The following ACE variants were observed in gnomAD, a reference collection of about 807,000 sequenced individuals.
ACE encodes the protein angiotensin I converting enzyme, also known as angiotensin-converting enzyme.
Under a neutral mutation model 162.3 loss-of-function variants are expected in ACE, and 122 were observed. The observed-to-expected ratio is 0.75, with a 90% confidence interval of 0.65 to 0.87. ACE has a LOEUF of 0.87. Ranked by LOEUF, ACE falls within the 40% of genes least tolerant of loss-of-function variation. ACE has a pLI of 0.00. For missense variants in ACE, 1,799 were observed against 1,735.1 expected (o/e 1.04, Z -0.65); for synonymous variants, 796 against 720.6 (o/e 1.10, Z -1.68).
Position 63,493,572 on chromosome 17 carries a change from G to T in ACE, c.3049G>T (p.Ala1017Ser). ...GGGTGCCAACCCCGGCTTCCATGAG[G>T]CCATTGGGGACGTGCTAGCCCTCTC... is the stretch of plus-strand genomic sequence containing the variant. ...REGANPGFHE[A>S]IGDVLALSVS... Residue 1017 changes from alanine (A) to serine (S), a missense_variant, in exon 20 of 25, where the codon GCC becomes TCC. Ala to Ser is a moderately conservative substitution (Grantham distance 99). Transcript: ENST00000290866. 2.5e-6 allele frequency: 4 copies of T among 1,614,238 alleles called. No individual in the cohort carries two copies. The highest frequency in any genetic ancestry group is 3.4e-6 in the Non-Finnish European group (4 of 1,180,040).
At chr17:63,486,522 C>A in intron 13 of ACE, 35 bp from the exon 14 acceptor site, 1 of 1,612,744 alleles carries the variant, frequency 6.2e-7, no homozygotes, top group Non-Finnish European at 8.5e-7. Flanking sequence ...TCTGGAGCTC[C>A]TGGGCCCTGT....
intron 2 of ACE, chr17:63,478,375 G>T (rs925532236): frequency 6.2e-6 from 3 of 481,316 alleles, no homozygotes; most frequent in African/African-American, 5.9e-5. Context: ...CTTTGGAAGA[G>T]TTGAGAAGGG....
In ACE at chr17:63,485,579, C is replaced by A. The variant is rs1599145019; in HGVS notation, c.2058+207C>A. On this transcript the variant is annotated intron_variant, in intron 13 of 24. Coordinates refer to ENST00000290866, the MANE Select transcript of ACE (RefSeq NM_000789.4). ...GCGGATCACGAGGTCAGATCAAGAC[C>A]ATCCTGGCTAACACGGTGAAACCCC... 9 of 642,440 alleles carry A rather than the reference C, an allele frequency of 1.4e-5. No homozygotes were observed. The East Asian group carries it at 2.7e-4, about 19-fold the overall frequency. The allele number at this position is 642,440 out of a possible 1,614,324, so 39.8% of individuals were successfully genotyped here. A position where few individuals can be genotyped will look rare whatever the true frequency, so the allele number is the denominator to read the frequency against.
chr17:63,480,641 G>A (rs1346699731), intron 5 of ACE, 113 bp downstream of exon 5: 5 of 1,153,038 alleles, frequency 4.3e-6, no homozygotes, highest in Non-Finnish European at 6.4e-6. Flanking sequence ...CATCTCACAT[G>A]TGTGGGGCAT....
intron 4 of ACE, 103 bp from the exon 5 acceptor site, chr17:63,480,234 G>T: frequency 7.8e-7 from 1 of 1,281,160 alleles, no homozygotes. Flanking sequence ...CCAGCTAGCT[G>T]CAGATCCACG....
rs2049627258 is a variant in ACE, at chr17:63,477,103, C to A, written c.9C>A (p.Ala3=). 7.6e-7 allele frequency: 1 copy of A among 1,312,802 alleles called. No individual in the cohort carries two copies. 81.3% of individuals were successfully genotyped at this position (1,312,802 alleles called of 1,614,324 possible). A position where few individuals can be genotyped will look rare whatever the true frequency, so the allele number is the denominator to read the frequency against. Residue 3 remains alanine (A), a synonymous_variant, in exon 1 of 25, where the codon GCC becomes GCA. Transcript: ENST00000290866. MG[A]ASGRRGPGLL... ...GCACCGCGCACCGCGTCATGGGGGC[C>A]GCCTCGGGCCGCCGGGGGCCGGGGC...
chr17:63,490,521 T>G, intron 17 of ACE: 1 of 249,772 alleles, frequency 4.0e-6, no homozygotes, highest in Non-Finnish European at 8.0e-6. Flanking sequence ...CCAGCCTGTT[T>G]CCTTTACTAG....
chr17:63,496,634 A>G, intron 23 of ACE, 118 bp downstream of exon 23: 5 of 1,595,960 alleles, frequency 3.1e-6, no homozygotes, highest in Middle Eastern at 2.1e-4. Context: ...GGGAACTCCC[A>G]CCTGCAGCGT....
intron 21 of ACE, 104 bp downstream of exon 21, chr17:63,494,170 G>T: frequency 1.4e-6 from 2 of 1,403,168 alleles, no homozygotes; most frequent in East Asian, 2.4e-5. Context: ...GTGTGTGTGT[G>T]TACACTATTG....
In ACE at chr17:63,481,579, C is replaced by T. The variant is rs139137100; in HGVS notation, c.959C>T (p.Thr320Met). ...STMLQQGWNA[T>M]HMFRVAEEFF... is the part of the protein sequence containing the mutation. ...CCCCTCCTCCAGGGCTGGAACGCCACGCACATGTTCCGGGTGGCAGAGGAG... is the reference window on the plus strand; with the variant it reads ...CCCCTCCTCCAGGGCTGGAACGCCATGCACATGTTCCGGGTGGCAGAGGAG... The change falls in exon 7 of 25, where the codon ACG becomes ATG. Residue 320 changes from threonine (T) to methionine (M), a missense_variant. Coordinates refer to ENST00000290866, the MANE Select transcript of ACE (RefSeq NM_000789.4). 11 of 1,613,796 alleles carry T rather than the reference C, an allele frequency of 6.8e-6. No homozygotes were observed. The highest frequency in any genetic ancestry group is 9.3e-6 in the Non-Finnish European group (11 of 1,180,026).
intron 3 of ACE, 64 bp from the exon 4 acceptor site, chr17:63,479,705 G>A (rs2049674942): frequency 1.9e-6 from 3 of 1,603,098 alleles, no homozygotes; most frequent in Non-Finnish European, 2.6e-6. Flanking sequence ...GCAGGCTCTG[G>A]TGAAGGCCGT....
intron 15 of ACE, 40 bp from the exon 16 acceptor site, chr17:63,488,608 A>C: frequency 6.2e-7 from 1 of 1,607,142 alleles, no homozygotes; most frequent in Non-Finnish European, 8.5e-7. Context: ...AGCAGAGGTG[A>C]GCTAAGGGCT....
At chr17:63,489,238 G>C in intron 17 of ACE, 106 bp downstream of exon 17, 9 of 1,395,814 alleles carry the variant, frequency 6.4e-6, no homozygotes, top group Non-Finnish European at 7.8e-6. Flanking sequence ...GGGACTGAGA[G>C]ACTCCAGCCC....
chr17:63,481,001 G>C, intron 5 of ACE, 90 bp from the exon 6 acceptor site: 1 of 1,301,152 alleles, frequency 7.7e-7, no homozygotes, highest in Non-Finnish European at 1.1e-6. Context: ...CAGGGTACAG[G>C]TGCCGGCCCC....
Position 63,481,087 on chromosome 17 carries a change from C to G in ACE, c.848-4C>G, listed in dbSNP as rs368093793. 8.7e-6 allele frequency: 14 copies of G among 1,613,870 alleles called. No homozygotes were observed. The African/African-American group carries it at 9.3e-5, about 11-fold the overall frequency. On this transcript the variant is annotated splice_polypyrimidine_tract_variant and splice_region_variant and intron_variant, in intron 5 of 24. Transcript: ENST00000290866. The stretch of plus-strand genomic sequence containing the variant: ...CCAAGCTGTCCCCTTCCTTCCTTAT[C>G]TAGGAGACATGTGGGCCCAGAGCTG...
chr17:63,484,198 C>A lies in ACE; in HGVS notation c.1710-132C>A. 2 of 1,265,052 alleles carry A rather than the reference C, an allele frequency of 1.6e-6. No individual in the cohort carries two copies. The highest frequency in any genetic ancestry group is 1.3e-5 in the South Asian group (1 of 77,034). 78.4% of individuals were successfully genotyped at this position (1,265,052 alleles called of 1,614,324 possible). On this transcript the variant is annotated intron_variant, in intron 11 of 24. Transcript: ENST00000290866. The surrounding 1 kb of genome is among the most constrained non-coding windows in gnomAD (Gnocchi z 4.0). ...CTGCCACCATCAGAGAGATCCCAGG[C>A]CCCAGGGTCTTATTGCCACAGTTTC...
chr17:63,477,149 C>A lies in ACE; in HGVS notation c.55C>A (p.Leu19Met). The A allele has an allele frequency of 6.9e-7, 1 of 1,444,164 alleles. No homozygotes were observed. Among genetic ancestry groups the A allele is most frequent in the Non-Finnish European group, 9.1e-7 (1 of 1,099,452 alleles). The allele number at this position is 1,444,164 out of a possible 1,614,324, so 89.5% of individuals were successfully genotyped here. A position where few individuals can be genotyped will look rare whatever the true frequency, so the allele number is the denominator to read the frequency against. The change falls in exon 1 of 25, where the codon CTG becomes ATG. Residue 19 changes from leucine (L) to methionine (M), a missense_variant. Transcript: ENST00000290866. ...GPGLLLPLPL[L>M]LLLPPQPALA... ...GGGGCTGCTGCTGCCGCTGCCGCTG[C>A]TGTTGCTGCTGCCGCCGCAGCCCGC...
chr17:63,486,829 T>TCTGCCATG lies in ACE; in HGVS notation c.2217+116_2217+123dup, dbSNP rs556629140. 111 of 1,500,332 alleles carry TCTGCCATG rather than the reference T, an allele frequency of 7.4e-5. No individual in the cohort carries two copies. In the East Asian group the frequency reaches 2.2e-3, roughly 30 times the overall value. 92.9% of individuals were successfully genotyped at this position (1,500,332 alleles called of 1,614,324 possible). ...TTCCTCGTTGTATCAAGTCATGGCA[T>TCTGCCATG]CTGCCATGCGATGTGCACCTCAGAA... On this transcript the variant is annotated intron_variant, in intron 14 of 24. Coordinates refer to ENST00000290866, the MANE Select transcript of ACE (RefSeq NM_000789.4).
rs1444014388 is a variant in ACE at position 63,477,204 on chromosome 17, G to A, written c.110G>A (p.Gly37Asp). ...GCGTTGGACCCCGGGCTGCAGCCCG[G>A]CAACTTTTCTGCTGACGAGGCCGGG... is the stretch of plus-strand genomic sequence containing the variant. ...ALALDPGLQP[G>D]NFSADEAGAQ... Residue 37 changes from glycine to aspartate, a missense_variant, in exon 1 of 25, where the codon GGC (glycine) becomes GAC (aspartate). By Grantham distance (94) the Gly-to-Asp change is moderately conservative (BLOSUM62 -1). Coordinates refer to ENST00000290866, the MANE Select transcript of ACE (RefSeq NM_000789.4). 6.7e-7 allele frequency: 1 copy of A among 1,489,666 alleles called. No individual in the cohort carries two copies. Among genetic ancestry groups the A allele is most frequent in the Non-Finnish European group, 8.9e-7 (1 of 1,124,052 alleles). 92.3% of individuals were successfully genotyped at this position (1,489,666 alleles called of 1,614,324 possible).
Sources: allele counts gnomAD v4.1 joint callset, GRCh38; gene constraint gnomAD v4.1.1; non-coding constraint Gnocchi (gnomAD v3.1); transcripts MANE v1.5; gene names NCBI Gene and HGNC (gene_info 2026-07-23, HGNC 2026-07-21).